UBR7: variants seen among roughly 807,000 people sequenced by gnomAD.
UBR7 encodes ubiquitin protein ligase E3 component n-recognin 7.
In UBR7, 22 loss-of-function variants were observed where a neutral mutation model predicts 57.0. The observed-to-expected ratio is 0.39, with a 90% CI of 0.28 to 0.55. The LOEUF is 0.55. Ranked by LOEUF, UBR7 falls within the 20% of genes least tolerant of loss-of-function variation. UBR7 has a pLI of 0.69. For missense variants in UBR7, 395 were observed against 513.2 expected (o/e 0.77, Z 2.23); for synonymous variants, 167 against 179.8 (o/e 0.93, Z 0.57).
At chr14:93,216,238 G>T (rs368930819) in intron 6 of UBR7, among the ~76,000 whole-genome samples, 1 of 152,150 alleles carries the variant, frequency 6.6e-6, no homozygotes, top group East Asian at 1.9e-4. Flanking sequence ...TAGAGACAGT[G>T]TTTCACCATG....
chr14:93,210,026 C>T (rs1894446290), intron 2 of UBR7, 69 bp downstream of exon 2: 2 of 1,550,472 alleles, frequency 1.3e-6, no homozygotes. Context: ...TACACTTTTT[C>T]CTAATCTTGT....
In UBR7 at chr14:93,207,405, G is replaced by C. The variant is rs1894385293; in HGVS notation, c.114G>C (p.Leu38=). 1 of 1,553,828 alleles carries C rather than the reference G, an allele frequency of 6.4e-7. No individual in the cohort carries two copies. Among genetic ancestry groups the C allele is most frequent in the African/African-American group, 1.4e-5 (1 of 73,068 alleles). The change falls in exon 1 of 11, where the codon CTG becomes CTC. Residue 38 remains leucine (L), a synonymous_variant. Coordinates refer to ENST00000013070, the MANE Select transcript of UBR7 (RefSeq NM_175748.4). The part of the protein sequence containing the change: ...EELENEACAV[L]GGSDSEKCSY... ...TGGAGAATGAGGCGTGCGCTGTCCT[G>C]GGCGGCAGCGACTCCGAGAAGTGCT...
chr14:93,218,418 AAAAAAT>A lies in UBR7; in HGVS notation c.602-106_602-101del, dbSNP rs1162419022. The A allele has an allele frequency of 7.1e-5, 73 of 1,027,150 alleles. 3 individuals carry two copies. The South Asian group carries it at 7.5e-4, about 11-fold the overall frequency. 63.6% of individuals were successfully genotyped at this position (1,027,150 alleles called of 1,614,324 possible). A position where few individuals can be genotyped will look rare whatever the true frequency, so the allele number is the denominator to read the frequency against. Reference sequence around the variant, plus strand: ...AGAGTGAGACTCTGTCTGTAAAAAAAAAAAATAATAATAATAGAATAAGTGATTTTA... The same window carrying A: ...AGAGTGAGACTCTGTCTGTAAAAAAAAATAATAATAGAATAAGTGATTTTA... On this transcript the variant is annotated intron_variant, in intron 6 of 10. Transcript: ENST00000013070.
chr14:93,215,650 C>T (rs917825165), intron 6 of UBR7, among the ~76,000 whole-genome samples: 1 of 144,618 alleles, frequency 6.9e-6, no homozygotes, highest in African/African-American at 2.6e-5. Flanking sequence ...GATCACGTCA[C>T]TGCAGTCCAG....
rs148867320 is a variant in UBR7, at chr14:93,223,258, T to C, written c.1185+884T>C. ...CAAAAATACACAAATTAGCTGGGTATGAGGGCGGGTGCCTGTAATCCCAGC... is the reference window on the plus strand; with the variant it reads ...CAAAAATACACAAATTAGCTGGGTACGAGGGCGGGTGCCTGTAATCCCAGC... On this transcript the variant is annotated intron_variant, in intron 10 of 10. Transcript: ENST00000013070. Among the ~76,000 whole-genome samples, 4 of 152,134 alleles carry C rather than the reference T, an allele frequency of 2.6e-5. No individual in the cohort carries two copies. The East Asian group carries it at 7.8e-4, about 30-fold the overall frequency.
rs753056405 is a variant in UBR7 at position 93,207,278 on chromosome 14, G to C, written c.-14G>C. ...TCCGCCGGGGCCGAGCCGCTGTTCG[G>C]CTGACAGTTGAGGATGGCCGGAGCC... On this transcript the variant is annotated 5_prime_UTR_variant, in exon 1 of 11. Coordinates refer to ENST00000013070, the MANE Select transcript of UBR7 (RefSeq NM_175748.4). The C allele has an allele frequency of 4.5e-6, 7 of 1,552,130 alleles. No homozygotes were observed. The Admixed American group carries it at 1.4e-4, about 30-fold the overall frequency.
At position 93,227,787 on chromosome 14, in the gene UBR7, C is replaced by A. The variant is rs1234163961; in HGVS notation, c.*752C>A. On this transcript the variant is annotated 3_prime_UTR_variant, in exon 11 of 11. Transcript: ENST00000013070. ...TAGAATTTCAGTACTGTAGTGCTCA[C>A]AGGGCTTCCTGGAGAACATTTGCCC... is the stretch of plus-strand genomic sequence containing the variant. 1.4e-6 allele frequency: 1 copy of A among 700,722 alleles called. No individual in the cohort carries two copies. The highest frequency in any genetic ancestry group is 2.6e-6 in the Non-Finnish European group (1 of 384,838). The allele number at this position is 700,722 out of a possible 1,614,324, so 43.4% of individuals were successfully genotyped here.
At chr14:93,226,171 G>C (rs1894844802) in intron 10 of UBR7, among the ~76,000 whole-genome samples, 1 of 152,146 alleles carries the variant, frequency 6.6e-6, no homozygotes. Flanking sequence ...TTTGAGTATG[G>C]TAGCCACACT....
In UBR7 at chr14:93,226,940, C is replaced by A; in HGVS notation, c.1186-3C>A. 6.2e-7 allele frequency: 1 copy of A among 1,609,240 alleles called. No homozygotes were observed. The highest frequency in any genetic ancestry group is 1.3e-5 in the African/African-American group (1 of 74,912). ...TTTCATAATCTTTGCTTTTCAAAAA[C>A]AGGTTGTTAAGAGAGAGGACATTCA... On this transcript the variant is annotated splice_polypyrimidine_tract_variant and splice_region_variant and intron_variant, in intron 10 of 10. Coordinates refer to ENST00000013070, the MANE Select transcript of UBR7 (RefSeq NM_175748.4).
At position 93,227,665 on chromosome 14, in the gene UBR7, T is replaced by G; in HGVS notation, c.*630T>G. ...GGATGTCTGTCACAGGCGGAGAGATTAACAGATGACAGGGTTGAGGAAGCA... is the reference window on the plus strand; with the variant it reads ...GGATGTCTGTCACAGGCGGAGAGATGAACAGATGACAGGGTTGAGGAAGCA... On this transcript the variant is annotated 3_prime_UTR_variant, in exon 11 of 11. Coordinates refer to ENST00000013070, the MANE Select transcript of UBR7 (RefSeq NM_175748.4). 2 of 700,878 alleles carry G rather than the reference T, an allele frequency of 2.9e-6. No individual in the cohort carries two copies. Among genetic ancestry groups the G allele is most frequent in the Non-Finnish European group, 2.6e-6 (1 of 384,830 alleles). The allele number at this position is 700,878 out of a possible 1,614,324, so 43.4% of individuals were successfully genotyped here.
At chr14:93,220,919 A>G (rs976637969) in intron 9 of UBR7, among the ~76,000 whole-genome samples, 4 of 151,870 alleles carry the variant, frequency 2.6e-5, no homozygotes, top group Non-Finnish European at 4.4e-5. Context: ...TGTGACTTTT[A>G]TAGCATCAGT....
At chr14:93,218,818 G>A (rs1894647064) in intron 7 of UBR7, 83 bp downstream of exon 7, 3 of 1,426,506 alleles carry the variant, frequency 2.1e-6, no homozygotes, top group Non-Finnish European at 2.9e-6. Flanking sequence ...CACTTTGGGA[G>A]GCTGAGGTGG....
Position 93,215,165 on chromosome 14 carries a change from T to C in UBR7, c.496-11T>C, listed in dbSNP as rs1047616390. On this transcript the variant is annotated splice_polypyrimidine_tract_variant and intron_variant, in intron 5 of 10. Transcript: ENST00000013070. ...AATCACAAGAAAATTTTTGGTGTTC[T>C]ATATTCACAGCATCTTGGTGCCATT... 6.4e-6 allele frequency: 10 copies of C among 1,562,478 alleles called. No individual in the cohort carries two copies. Among genetic ancestry groups the C allele is most frequent in the African/African-American group, 1.4e-5 (1 of 73,966 alleles).
At chr14:93,219,392 A>G (rs1894659817) in intron 8 of UBR7, 31 bp downstream of exon 8, 2 of 1,614,174 alleles carry the variant, frequency 1.2e-6, no homozygotes, top group East Asian at 2.2e-5. Context: ...CAGTGTTAGC[A>G]TGTTTTGTGT....
intron 10 of UBR7, among the ~76,000 whole-genome samples, chr14:93,225,889 G>A (rs1894840027): frequency 1.3e-5 from 2 of 152,154 alleles, no homozygotes; most frequent in South Asian, 4.1e-4. Context: ...TTGTAATCCA[G>A]GGTAGGGACA....
intron 8 of UBR7, 43 bp downstream of exon 8, chr14:93,219,404 C>T (rs1331801494): frequency 6.2e-7 from 1 of 1,612,356 alleles, no homozygotes; most frequent in Non-Finnish European, 8.5e-7. Flanking sequence ...GTTTTGTGTA[C>T]TGGTGCCCCA....
chr14:93,213,990 G>A (rs191242910), intron 4 of UBR7, among the ~76,000 whole-genome samples: 27 of 151,814 alleles, frequency 1.8e-4, no homozygotes, highest in East Asian at 1.6e-3. Flanking sequence ...ACAGTAGTGC[G>A]ATCTCAGCTC....
intron 10 of UBR7, chr14:93,224,050 C>A (rs993009999): frequency 6.0e-6 from 6 of 1,001,808 alleles, no homozygotes; most frequent in South Asian, 1.3e-5. Flanking sequence ...CAAAGATTCG[C>A]ATGTGGTAGA....
In UBR7 at chr14:93,220,918, T is replaced by C. The variant is rs79951763; in HGVS notation, c.1123+507T>C. On this transcript the variant is annotated intron_variant, in intron 9 of 10. Coordinates refer to ENST00000013070, the MANE Select transcript of UBR7 (RefSeq NM_175748.4). ...GATGCCACCACTTTTATGTGACTTT[T>C]ATAGCATCAGTCATTTCTGTCTTTT... Among the ~76,000 whole-genome samples, 329 of 152,246 alleles carry C rather than the reference T, an allele frequency of 2.2e-3. 9 individuals are homozygous for C. The highest frequency in any genetic ancestry group is 0.02 in the East Asian group (105 of 5,180).
Sources: allele counts gnomAD v4.1 joint callset (sites outside exome capture counted in the v4.1 genomes callset), GRCh38; gene constraint gnomAD v4.1.1; transcripts MANE v1.5; gene names NCBI Gene and HGNC (gene_info 2026-07-23, HGNC 2026-07-21).